The following TTLL5 variants were observed in gnomAD, a reference collection of about 807,000 sequenced individuals.
TTLL5 encodes the protein tubulin tyrosine ligase like 5.
In TTLL5, 132 loss-of-function variants were observed where a neutral mutation model predicts 168.4. That is an observed-to-expected ratio of 0.78 (90% CI 0.68 to 0.91). The LOEUF is 0.91. Among genes scored for constraint, TTLL5 ranks in the 40% least tolerant of loss-of-function variants. The pLI, the probability that TTLL5 is intolerant of heterozygous loss-of-function variation, is 0.00. For synonymous variants in TTLL5, 546 were observed against 558.6 expected (o/e 0.98, Z 0.32); for missense variants, 1,545 against 1,581.5 (o/e 0.98, Z 0.39).
intron 28 of TTLL5, among the ~76,000 whole-genome samples, chr14:75,823,927 G>A (rs1304543707): frequency 1.3e-5 from 2 of 152,112 alleles, no homozygotes; most frequent in African/African-American, 2.4e-5. Context: ...TCTGCTTTGC[G>A]TAATTTTAAG....
chr14:75,873,646 T>C (rs1344680709), intron 29 of TTLL5, among the ~76,000 whole-genome samples: 1 of 90,682 alleles, frequency 1.1e-5, no homozygotes, highest in Non-Finnish European at 2.1e-5. Context: ...TACCATGTTT[T>C]CTCTTTTTTT....
intron 12 of TTLL5, among the ~76,000 whole-genome samples, chr14:75,731,416 C>T (rs1331568598): frequency 3.2e-5 from 4 of 123,386 alleles, no homozygotes; most frequent in Non-Finnish European, 6.9e-5. Context: ...CACACACACA[C>T]ACACACAGGA....
At chr14:75,757,687 T>TA in intron 18 of TTLL5, 1 of 542,546 alleles carries the variant, frequency 1.8e-6, no homozygotes, top group Non-Finnish European at 3.0e-6. Flanking sequence ...TTTATCTGTC[T>TA]GCTTTTCTGC....
At chr14:75,890,660 C>G (rs1320112322) in intron 30 of TTLL5, among the ~76,000 whole-genome samples, 1 of 152,144 alleles carries the variant, frequency 6.6e-6, no homozygotes, top group Non-Finnish European at 1.5e-5. Flanking sequence ...GCCCAGGAAC[C>G]ATTTTTAAAA....
At chr14:75,735,878 A>G (rs1192496764) in intron 15 of TTLL5, among the ~76,000 whole-genome samples, 1 of 152,082 alleles carries the variant, frequency 6.6e-6, no homozygotes, top group Non-Finnish European at 1.5e-5. Context: ...CTATTTACTC[A>G]TTCCATCATC....
At chr14:75,930,133 G>A (rs1369279758) in intron 31 of TTLL5, among the ~76,000 whole-genome samples, 1 of 152,086 alleles carries the variant, frequency 6.6e-6, no homozygotes, top group Non-Finnish European at 1.5e-5. Context: ...GGCCTTGCTT[G>A]TATGGTCTAT....
At chr14:75,773,409 G>A (rs955083654) in intron 21 of TTLL5, among the ~76,000 whole-genome samples, 6 of 152,108 alleles carry the variant, frequency 3.9e-5, no homozygotes, top group Admixed American at 6.5e-5. Context: ...CACTTATGCT[G>A]GAGTAAATTG....
At position 75,779,599 on chromosome 14, in the gene TTLL5, G is replaced by T. The variant is rs915371759; in HGVS notation, c.2412G>T (p.Leu804Phe). ...QASEAELEEV[L>F]TFYTQKNKSA... is the part of the protein sequence containing the mutation. The stretch of plus-strand genomic sequence containing the variant: ...GTGAGGCTGAACTGGAGGAGGTGTT[G>T]ACTTTTTATACCCAAAAGAACAAGT... The change falls in exon 24 of 32, where the codon TTG (leucine) becomes TTT (phenylalanine). Residue 804 changes from leucine (L) to phenylalanine (F), a missense_variant. By Grantham distance (22) the Leu-to-Phe change is conservative. Transcript: ENST00000298832. 3 of 1,613,466 alleles carry T rather than the reference G, an allele frequency of 1.9e-6. No homozygotes were observed. The highest frequency in any genetic ancestry group is 4.5e-5 in the East Asian group (2 of 44,876).
intron 27 of TTLL5, among the ~76,000 whole-genome samples, chr14:75,797,659 CTG>C (rs1044854546): frequency 1.2e-4 from 19 of 152,036 alleles, no homozygotes; most frequent in African/African-American, 4.6e-4. Flanking sequence ...TTTTCTGTGT[CTG>C]TTGAGATTAC....
intron 28 of TTLL5, among the ~76,000 whole-genome samples, chr14:75,860,148 G>T (rs1897326750): frequency 6.6e-6 from 1 of 152,210 alleles, no homozygotes; most frequent in Admixed American, 6.5e-5. Context: ...TATGTGTGCA[G>T]TTGGAGGAAC....
chr14:75,741,983 A>G, intron 15 of TTLL5, among the ~76,000 whole-genome samples: 1 of 152,202 alleles, frequency 6.6e-6, no homozygotes. Context: ...GAAGCCAGGA[A>G]TATTAAAAAA....
intron 29 of TTLL5, among the ~76,000 whole-genome samples, chr14:75,880,161 G>A (rs187967569): frequency 3.8e-4 from 58 of 151,852 alleles, no homozygotes; most frequent in African/African-American, 1.4e-3. Context: ...GAGAGTGTGT[G>A]TACATACATA....
At chr14:75,907,276 A>G (rs930537124) in intron 31 of TTLL5, among the ~76,000 whole-genome samples, 2 of 152,192 alleles carry the variant, frequency 1.3e-5, no homozygotes, top group African/African-American at 2.4e-5. Flanking sequence ...AAGCTCATAC[A>G]CCGAAGGCAT....
At chr14:75,853,086 T>C (rs933370787) in intron 28 of TTLL5, among the ~76,000 whole-genome samples, 2 of 152,238 alleles carry the variant, frequency 1.3e-5, no homozygotes, top group Non-Finnish European at 2.9e-5. Flanking sequence ...ATTATGACCC[T>C]TGACTCTCTT....
In TTLL5 at chr14:75,819,999, A is replaced by T. The variant is rs750662947; in HGVS notation, c.3172-8A>T. 12 of 1,590,924 alleles carry T rather than the reference A, an allele frequency of 7.5e-6. 1 individual carries two copies. The South Asian group carries it at 9.2e-5, about 12-fold the overall frequency. ...AAAGTCAGGTTATTTCCCTCGCTTT[A>T]TTTCTAGGTAACAAACCTGAATTTG... On this transcript the variant is annotated splice_polypyrimidine_tract_variant and splice_region_variant and intron_variant, in intron 27 of 31. Coordinates refer to ENST00000298832, the MANE Select transcript of TTLL5 (RefSeq NM_015072.5).
At chr14:75,816,465 T>C (rs1182000774) in intron 27 of TTLL5, among the ~76,000 whole-genome samples, 2 of 152,190 alleles carry the variant, frequency 1.3e-5, no homozygotes, top group African/African-American at 2.4e-5. Context: ...GAGTGTTCCA[T>C]AAGTGGTAAC....
At chr14:75,923,031 T>G (rs574952444) in intron 31 of TTLL5, among the ~76,000 whole-genome samples, 1 of 152,350 alleles carries the variant, frequency 6.6e-6, no homozygotes, top group East Asian at 1.9e-4. Context: ...GTAGTTTGTA[T>G]TTCTGTGGGA....
chr14:75,788,945 T>C (rs528472935), intron 26 of TTLL5, among the ~76,000 whole-genome samples: 25 of 152,158 alleles, frequency 1.6e-4, no homozygotes, highest in Non-Finnish European at 3.4e-4. Flanking sequence ...GGTTTAACAT[T>C]AGTAAACCTA....
chr14:75,699,833 T>C lies in TTLL5; in HGVS notation c.585+563T>C, dbSNP rs539768321. Among the ~76,000 whole-genome samples, 3 of 152,324 alleles carry C rather than the reference T, an allele frequency of 2.0e-5. No individual in the cohort carries two copies. The East Asian group carries it at 5.8e-4, about 29-fold the overall frequency. ...AATTCTCATTAAAAGTTGTCTTAAATTGAATACATACACATGGTAAATAAA... is the reference window on the plus strand; with the variant it reads ...AATTCTCATTAAAAGTTGTCTTAAACTGAATACATACACATGGTAAATAAA... On this transcript the variant is annotated intron_variant, in intron 7 of 31. Transcript: ENST00000298832.
Sources: gnomAD v4.1 joint callset for allele counts (sites outside exome capture counted in the v4.1 genomes callset) on GRCh38, gnomAD v4.1.1 for gene constraint, MANE v1.5 for transcripts, NCBI Gene and HGNC (gene_info 2026-07-23, HGNC 2026-07-21) for gene names.